Variants in FRMD4A observed in about 807,000 individuals in gnomAD.
The protein encoded by FRMD4A is FERM domain containing 4A.
A neutral mutation model predicts 129.1 loss-of-function variants in FRMD4A; 29 were observed. That is an observed-to-expected ratio of 0.22 (90% CI 0.17 to 0.31). The LOEUF is 0.31. Ranked by LOEUF, FRMD4A falls within the 10% of genes least tolerant of loss-of-function variation. The pLI, the probability that FRMD4A is intolerant of heterozygous loss-of-function variation, is 1.00. For missense variants in FRMD4A, 1,272 were observed against 1,375.8 expected (o/e 0.92, Z 1.19); for synonymous variants, 634 against 571.6 (o/e 1.11, Z -1.56).
intron 2 of FRMD4A, among the ~76,000 whole-genome samples, chr10:13,981,468 C>T (rs896426224): frequency 4.6e-5 from 7 of 152,018 alleles, no homozygotes; most frequent in East Asian, 1.9e-4. Flanking sequence ...AGGCCAGGCA[C>T]GGTGGCTTAC....
intron 2 of FRMD4A, chr10:14,008,208 G>GTGTGTGTGTGTGTGTGTA: frequency 8.3e-7 from 1 of 1,206,520 alleles, no homozygotes; most frequent in Non-Finnish European, 1.1e-6. Context: ...GTGTGTGTGT[G>GTGTGTGTGTGTGTGTGTA]TGTTCCCAGC....
At chr10:14,069,948 G>T (rs1835238829) in intron 2 of FRMD4A, among the ~76,000 whole-genome samples, 1 of 152,010 alleles carries the variant, frequency 6.6e-6, no homozygotes, top group African/African-American at 2.4e-5. Flanking sequence ...TTATTAAGCT[G>T]CCTCTGGGGC....
chr10:14,211,709 G>A (rs1448903736), intron 2 of FRMD4A, among the ~76,000 whole-genome samples: 5 of 152,140 alleles, frequency 3.3e-5, no homozygotes, highest in Admixed American at 2.0e-4. Context: ...AGGCTGGATC[G>A]TGATGTATTT....
intron 15 of FRMD4A, among the ~76,000 whole-genome samples, chr10:13,682,724 G>C (rs1158799400): frequency 1.3e-5 from 2 of 152,048 alleles, no homozygotes; most frequent in Non-Finnish European, 2.9e-5. Context: ...TGGTCAGGTT[G>C]GTCTTGAACT....
chr10:13,862,221 G>A (rs948282320), intron 2 of FRMD4A, among the ~76,000 whole-genome samples: 3 of 152,128 alleles, frequency 2.0e-5, no homozygotes, highest in African/African-American at 7.2e-5. Flanking sequence ...TATCATAAAA[G>A]GTTAAGGGTA....
chr10:13,817,570 G>A (rs980687629), intron 3 of FRMD4A, among the ~76,000 whole-genome samples: 2 of 152,190 alleles, frequency 1.3e-5, no homozygotes, highest in East Asian at 1.9e-4. Context: ...TGAATCATGG[G>A]TGTGGTTCCC....
At chr10:14,194,528 G>A (rs1842416557) in intron 2 of FRMD4A, among the ~76,000 whole-genome samples, 1 of 152,214 alleles carries the variant, frequency 6.6e-6, no homozygotes, top group East Asian at 1.9e-4. Flanking sequence ...GGAGAATGGC[G>A]GGAACCCGGG....
At chr10:13,733,718 C>G (rs2135029400) in intron 12 of FRMD4A, among the ~76,000 whole-genome samples, 1 of 152,352 alleles carries the variant, frequency 6.6e-6, no homozygotes, top group South Asian at 2.1e-4. Context: ...TGAGCCACCT[C>G]ACCTGGCCAA....
intron 3 of FRMD4A, among the ~76,000 whole-genome samples, chr10:13,837,524 CA>C (rs1474462997): frequency 3.3e-5 from 5 of 152,222 alleles, no homozygotes; most frequent in Non-Finnish European, 7.3e-5. Flanking sequence ...ACAGCAGTTA[CA>C]AAAGATCACG....
intron 2 of FRMD4A, among the ~76,000 whole-genome samples, chr10:14,114,583 A>C (rs1838101235): frequency 6.6e-6 from 1 of 152,204 alleles, no homozygotes; most frequent in Non-Finnish European, 1.5e-5. Flanking sequence ...GACCACTGCA[A>C]ATTTGACAAT....
intron 2 of FRMD4A, among the ~76,000 whole-genome samples, chr10:13,926,621 T>G (rs1196709104): frequency 6.6e-6 from 1 of 152,218 alleles, no homozygotes; most frequent in Admixed American, 6.5e-5. Context: ...CAGCTGCTGT[T>G]GAAACAGAGT....
Position 13,679,458 on chromosome 10 carries a change from A to AAAAAAAAT in FRMD4A, c.1118-4415_1118-4414insATTTTTTT, listed in dbSNP as rs1554838339. Among the ~76,000 whole-genome samples the AAAAAAAAT allele has an allele frequency of 5.7e-4, 14 of 24,548 alleles. 1 individual carries two copies. Among genetic ancestry groups the AAAAAAAAT allele is most frequent in the African/African-American group, 7.4e-4 (4 of 5,426 alleles). The allele number at this position is 24,548 out of a possible 152,430, so 16.1% of individuals were successfully genotyped here. A position where few individuals can be genotyped will look rare whatever the true frequency, so the allele number is the denominator to read the frequency against. ...AAAAAAAAAAAAAAAAAAAAAAAAA[A>AAAAAAAAT]AAATATATATATATATACACACACA... On this transcript the variant is annotated intron_variant, in intron 15 of 24. Transcript: ENST00000357447.
intron 6 of FRMD4A, among the ~76,000 whole-genome samples, chr10:13,767,574 G>A (rs1266416640): frequency 6.6e-6 from 1 of 152,208 alleles, no homozygotes; most frequent in Non-Finnish European, 1.5e-5. Context: ...TGCTCAAGCA[G>A]AGGAACTACA....
intron 2 of FRMD4A, among the ~76,000 whole-genome samples, chr10:13,868,426 T>C (rs1331252381): frequency 1.3e-5 from 2 of 152,132 alleles, no homozygotes; most frequent in African/African-American, 4.8e-5. Context: ...TCAGAGAGGA[T>C]GACCTTGTTC....
At chr10:14,254,520 G>A (rs1477290573) in intron 2 of FRMD4A, among the ~76,000 whole-genome samples, 2 of 152,140 alleles carry the variant, frequency 1.3e-5, no homozygotes, top group Non-Finnish European at 2.9e-5. Flanking sequence ...GTGGGAGCCA[G>A]CTAATGCTGG....
At chr10:13,827,498 C>T (rs964316237) in intron 3 of FRMD4A, among the ~76,000 whole-genome samples, 1 of 152,208 alleles carries the variant, frequency 6.6e-6, no homozygotes, top group African/African-American at 2.4e-5. Context: ...TTAACGCATG[C>T]TAATGTCGGC....
chr10:13,947,632 A>G (rs1246680848), intron 2 of FRMD4A, among the ~76,000 whole-genome samples: 2 of 152,026 alleles, frequency 1.3e-5, no homozygotes, highest in African/African-American at 4.8e-5. Context: ...ACACACACAT[A>G]TATATACACC....
intron 6 of FRMD4A, among the ~76,000 whole-genome samples, chr10:13,764,273 G>A (rs2092194824): frequency 6.6e-6 from 1 of 151,724 alleles, no homozygotes; most frequent in African/African-American, 2.4e-5. Flanking sequence ...GGGAGGCAGA[G>A]GCGGATGGAT....
chr10:14,166,651 TCAAA>T (rs1437131802), intron 2 of FRMD4A, among the ~76,000 whole-genome samples: 1 of 152,222 alleles, frequency 6.6e-6, no homozygotes, highest in East Asian at 1.9e-4. Context: ...CTGCAGCTAT[TCAAA>T]CAGTCAGTCA....
Sources: gnomAD v4.1 joint callset for allele counts (sites outside exome capture counted in the v4.1 genomes callset) on GRCh38, gnomAD v4.1.1 for gene constraint, MANE v1.5 for transcripts, NCBI Gene and HGNC (gene_info 2026-07-23, HGNC 2026-07-21) for gene names.